The following QSER1 variants were observed in gnomAD, a reference collection of about 807,000 sequenced individuals.
The protein encoded by QSER1 is glutamine and serine rich 1.
Under a neutral mutation model 158.5 loss-of-function variants are expected in QSER1, and 49 were observed. The observed-to-expected ratio is 0.31, with a 90% CI of 0.25 to 0.39. QSER1 has a LOEUF of 0.39. Ranked by LOEUF, QSER1 falls within the 10% of genes least tolerant of loss-of-function variation. The pLI is 1.00. For synonymous variants in QSER1, 650 were observed against 715.5 expected, an observed-to-expected ratio of 0.91 and a Z score of 1.46; for missense variants, 1,754 against 2,010.3, an observed-to-expected ratio of 0.87 and a Z score of 2.44.
chr11:32,916,782 A>ATTTTT (rs57526642), intron 1 of QSER1, among the ~76,000 whole-genome samples: 1 of 145,468 alleles, frequency 6.9e-6, no homozygotes, highest in Non-Finnish European at 1.5e-5. Flanking sequence ...GCATGACTCT[A>ATTTTT]TTTTTTTTTT....
intron 7 of QSER1, 30 bp from the exon 8 acceptor site, chr11:32,957,839 T>G: frequency 2.0e-6 from 3 of 1,522,870 alleles, no homozygotes; most frequent in Non-Finnish European, 2.7e-6. Context: ...GATTTCAGTG[T>G]GTTAATGAAG....
rs1257213664 is a variant in QSER1, at chr11:32,978,591, T to G, written c.*2117T>G. On this transcript the variant is annotated 3_prime_UTR_variant, in exon 13 of 13. Transcript: ENST00000650167. ...CCTCGTGGCAAACAAAGATGTTTCC[T>G]TAAGATGAATCTTACATTTCCCATA... is the stretch of plus-strand genomic sequence containing the variant. The G allele has an allele frequency of 6.6e-6, 1 of 152,268 alleles. No homozygotes were observed. The highest frequency in any genetic ancestry group is 2.4e-5 in the African/African-American group (1 of 41,480). The allele number at this position is 152,268 out of a possible 1,614,324, so 9.4% of individuals were successfully genotyped here. A position where few individuals can be genotyped will look rare whatever the true frequency, so the allele number is the denominator to read the frequency against.
At chr11:32,897,090 A>G (rs1851565016) in intron 1 of QSER1, among the ~76,000 whole-genome samples, 1 of 152,238 alleles carries the variant, frequency 6.6e-6, no homozygotes, top group Non-Finnish European at 1.5e-5. Flanking sequence ...AGTCACACGT[A>G]CATTCATTTA....
chr11:32,906,111 T>G (rs908409309), intron 1 of QSER1, among the ~76,000 whole-genome samples: 21 of 150,736 alleles, frequency 1.4e-4, no homozygotes, highest in East Asian at 3.9e-4. Flanking sequence ...TTAGTTTTTT[T>G]TTTTTTTTTT....
chr11:32,900,563 A>G (rs961803309), intron 1 of QSER1, among the ~76,000 whole-genome samples: 1 of 152,116 alleles, frequency 6.6e-6, no homozygotes, highest in Non-Finnish European at 1.5e-5. Context: ...CATCTTAAAA[A>G]AAAAAAAATC....
At chr11:32,904,973 A>T (rs1851673606) in intron 1 of QSER1, among the ~76,000 whole-genome samples, 1 of 152,156 alleles carries the variant, frequency 6.6e-6, no homozygotes, top group Non-Finnish European at 1.5e-5. Context: ...CTTGCCTGGC[A>T]TATAATAACT....
chr11:32,904,778 A>T (rs975392228), intron 1 of QSER1, among the ~76,000 whole-genome samples: 3 of 152,106 alleles, frequency 2.0e-5, no homozygotes, highest in African/African-American at 7.2e-5. Context: ...CATGTTGATC[A>T]GTGGCCTCTG....
chr11:32,934,615 C>T lies in QSER1; in HGVS notation c.3357C>T (p.Asp1119=). Residue 1119 remains aspartate, a synonymous_variant, in exon 4 of 13, where the codon GAC becomes GAT. Transcript: ENST00000650167. ...QSATNLESEE[D]SEAPVDSTLN... is the part of the protein sequence containing the mutation. ...CTACCAATCTTGAATCTGAAGAAGA[C>T]AGTGAAGCTCCTGTTGATAGTACAT... 6.2e-7 allele frequency: 1 copy of T among 1,613,684 alleles called. No homozygotes were observed.
chr11:32,925,404 G>A (rs1851954389), intron 1 of QSER1, among the ~76,000 whole-genome samples: 1 of 152,088 alleles, frequency 6.6e-6, no homozygotes, highest in Non-Finnish European at 1.5e-5. Context: ...ATACTCCACT[G>A]AACCCACCTA....
intron 1 of QSER1, among the ~76,000 whole-genome samples, chr11:32,903,597 A>ATTTG (rs112672094): frequency 0.011 from 1,593 of 151,316 alleles, 31 homozygotes; most frequent in African/African-American, 0.031. Flanking sequence ...TAAGTTTTTT[A>ATTTG]TTTGTTTGTT....
At chr11:32,913,777 T>C (rs185855029) in intron 1 of QSER1, among the ~76,000 whole-genome samples, 7 of 152,330 alleles carry the variant, frequency 4.6e-5, no homozygotes, top group Admixed American at 4.6e-4. Context: ...GGTGTTACTA[T>C]TACCCATATT....
At chr11:32,955,009 A>G (rs190513579) in intron 5 of QSER1, among the ~76,000 whole-genome samples, 5 of 152,366 alleles carry the variant, frequency 3.3e-5, no homozygotes, top group Admixed American at 3.3e-4. Context: ...AAAATTGCAT[A>G]TGTAACATAG....
intron 1 of QSER1, among the ~76,000 whole-genome samples, chr11:32,894,249 A>T (rs1333243284): frequency 6.6e-6 from 1 of 152,170 alleles, no homozygotes; most frequent in East Asian, 1.9e-4. Flanking sequence ...AGCTCGCGGG[A>T]AATGTGTAGT....
At chr11:32,936,968 A>G (rs1198205664) in intron 4 of QSER1, among the ~76,000 whole-genome samples, 4 of 152,222 alleles carry the variant, frequency 2.6e-5, no homozygotes, top group African/African-American at 7.2e-5. Context: ...CATTACTACC[A>G]TGGATGTGTC....
rs752446898 is a variant in QSER1, at chr11:32,933,112, G to A, written c.1854G>A (p.Pro618=). 1.4e-5 allele frequency: 22 copies of A among 1,613,196 alleles called. No homozygotes were observed. The highest frequency in any genetic ancestry group is 4.0e-5 in the African/African-American group (3 of 74,774). Residue 618 remains proline, a synonymous_variant, in exon 4 of 13, where the codon CCG becomes CCA. Transcript: ENST00000650167. Reference sequence around the variant, plus strand: ...CTCAGAATTTGCCAGACTCTAGCCCGACCCAGAATTATATTTCTATGCATT... The same window carrying A: ...CTCAGAATTTGCCAGACTCTAGCCCAACCCAGAATTATATTTCTATGCATT... ...SRAQNLPDSS[P]TQNYISMHSS... is the part of the protein sequence containing the mutation.
Position 32,976,540 on chromosome 11 carries a change from T to A in QSER1, c.*66T>A. Reference sequence around the variant, plus strand: ...ATGGCAGATATGGGGTGGTCAAAGATAATCAGATGTCAAGTAGTGGCCTTC... The same window carrying A: ...ATGGCAGATATGGGGTGGTCAAAGAAAATCAGATGTCAAGTAGTGGCCTTC... On this transcript the variant is annotated 3_prime_UTR_variant, in exon 13 of 13. Transcript: ENST00000650167. The A allele has an allele frequency of 6.5e-7, 1 of 1,548,214 alleles. No homozygotes were observed. Among genetic ancestry groups the A allele is most frequent in the Non-Finnish European group, 8.8e-7 (1 of 1,134,422 alleles).
At chr11:32,950,060 C>T (rs1564941056) in intron 4 of QSER1, among the ~76,000 whole-genome samples, 1 of 152,126 alleles carries the variant, frequency 6.6e-6, no homozygotes, top group Non-Finnish European at 1.5e-5. Flanking sequence ...CTTCTGCCTA[C>T]AGCTTAGTAC....
Position 32,966,311 on chromosome 11 carries a change from C to T in QSER1, c.4981C>T (p.Pro1661Ser). The T allele has an allele frequency of 6.2e-7, 1 of 1,613,672 alleles. No homozygotes were observed. The highest frequency in any genetic ancestry group is 8.5e-7 in the Non-Finnish European group (1 of 1,179,826). Reference protein sequence around the residue: ...SSSDDEEFEPPAPFVTRFLNT... With the variant: ...SSSDDEEFEPSAPFVTRFLNT... ...TTTCTCCCTCCCAGAATTTGAACCT[C>T]CCGCTCCCTTTGTCACTCGCTTTTT... The change falls in exon 9 of 13, where the codon CCC becomes TCC. Residue 1661 changes from proline (P) to serine (S), a missense_variant. Pro to Ser is a moderately conservative substitution (Grantham distance 74, BLOSUM62 -1). Around this residue, in one of 2 missense-constraint regions of QSER1, gnomAD observed 1,707 missense variants for 1,919.6 expected, o/e 0.89. Transcript: ENST00000650167.
intron 12 of QSER1, chr11:32,975,570 T>C (rs1852962282): frequency 7.4e-7 from 1 of 1,358,682 alleles, no homozygotes; most frequent in South Asian, 1.4e-5. Context: ...CTATAATTGG[T>C]AATGTTTTGA....
Sources: allele counts gnomAD v4.1 joint callset (sites outside exome capture counted in the v4.1 genomes callset), GRCh38; gene constraint gnomAD v4.1.1; regional missense constraint gnomAD v4.1.1; transcripts MANE v1.5; gene names NCBI Gene and HGNC (gene_info 2026-07-23, HGNC 2026-07-21).